Variants in CASZ1 observed in about 807,000 individuals in gnomAD.
The protein encoded by CASZ1 is zinc finger protein castor homolog 1.
CASZ1 carries 28 observed loss-of-function variants against 135.2 expected under a neutral mutation model. The ratio of observed to expected loss-of-function variants is 0.21; its 90% CI spans 0.15 to 0.28. The LOEUF (loss-of-function observed/expected upper bound fraction) is 0.28. CASZ1 is among the 10% of genes least tolerant of loss of function. CASZ1 has a pLI of 1.00. For synonymous variants in CASZ1, 1,068 were observed against 1,073.4 expected, an observed-to-expected ratio of 0.99 and a Z score of 0.10; for missense variants, 2,161 against 2,453.3, an observed-to-expected ratio of 0.88 and a Z score of 2.52.
chr1:10,773,942 GT>G (rs1311047934), intron 1 of CASZ1, among the ~76,000 whole-genome samples: 4 of 152,230 alleles, frequency 2.6e-5, no homozygotes, highest in African/African-American at 9.6e-5. Context: ...GTTGGGGAGA[GT>G]TCAGAGCAGA....
intron 1 of CASZ1, among the ~76,000 whole-genome samples, chr1:10,787,126 C>T (rs556436989): frequency 1.3e-5 from 2 of 152,320 alleles, no homozygotes; most frequent in African/African-American, 4.8e-5. Flanking sequence ...GACACCCTTC[C>T]GAGGGTGGTA....
intron 2 of CASZ1, among the ~76,000 whole-genome samples, chr1:10,753,538 T>C (rs568120233): frequency 1.3e-5 from 2 of 152,272 alleles, no homozygotes; most frequent in African/African-American, 4.8e-5. Context: ...TGTCAGATTA[T>C]TAATTAGCTA....
At chr1:10,778,190 CAG>C (rs764897437) in intron 1 of CASZ1, among the ~76,000 whole-genome samples, 7 of 151,954 alleles carry the variant, frequency 4.6e-5, no homozygotes, top group Non-Finnish European at 1.0e-4. Flanking sequence ...CGCACACAAT[CAG>C]ACACACTCTC....
intron 7 of CASZ1, 34 bp downstream of exon 7, chr1:10,658,471 CCTT>C (rs761996065): frequency 1.3e-6 from 2 of 1,576,420 alleles, no homozygotes; most frequent in Admixed American, 3.3e-5. Context: ...TGGCCCCCCA[CCTT>C]CTCTCCACGG....
chr1:10,791,125 A>C (rs989114487), intron 1 of CASZ1, among the ~76,000 whole-genome samples: 1 of 151,852 alleles, frequency 6.6e-6, no homozygotes, highest in South Asian at 2.1e-4. Flanking sequence ...TTAGTCAATC[A>C]TCAGAGCTGT....
At chr1:10,716,386 C>T (rs1047842995) in intron 2 of CASZ1, among the ~76,000 whole-genome samples, 8 of 152,350 alleles carry the variant, frequency 5.3e-5, no homozygotes, top group South Asian at 2.1e-4. Flanking sequence ...ATGCACAAGC[C>T]GGCTAGAAGA....
chr1:10,677,153 AG>A (rs1183099639), intron 4 of CASZ1, among the ~76,000 whole-genome samples: 1 of 152,144 alleles, frequency 6.6e-6, no homozygotes, highest in Non-Finnish European at 1.5e-5. Flanking sequence ...AGAGCTCAGG[AG>A]GGGGCAGGTG....
At chr1:10,791,801 G>A (rs1054445679) in intron 1 of CASZ1, among the ~76,000 whole-genome samples, 2 of 151,924 alleles carry the variant, frequency 1.3e-5, no homozygotes, top group African/African-American at 4.8e-5. Context: ...TTTAACCTAA[G>A]CCAGAGGAAA....
chr1:10,684,599 T>C (rs904932527), intron 4 of CASZ1, among the ~76,000 whole-genome samples: 1 of 152,074 alleles, frequency 6.6e-6, no homozygotes. Context: ...GCCTCCCAGT[T>C]TGCCCAGGAC....
At chr1:10,738,123 G>T (rs1189672741) in intron 2 of CASZ1, among the ~76,000 whole-genome samples, 2 of 152,174 alleles carry the variant, frequency 1.3e-5, no homozygotes, top group East Asian at 3.9e-4. Flanking sequence ...ACTAATAAAT[G>T]ACAACTAATG....
At position 10,701,128 on chromosome 1, in the gene CASZ1, G is replaced by A. The variant is rs1380600434; in HGVS notation, c.-24+4364C>T. Among the ~76,000 whole-genome samples the A allele has an allele frequency of 6.6e-6, 1 of 152,166 alleles. No individual in the cohort carries two copies. The highest frequency in any genetic ancestry group is 1.5e-5 in the Non-Finnish European group (1 of 68,028). On this transcript the variant is annotated intron_variant, in intron 3 of 20. Coordinates refer to ENST00000377022, the MANE Select transcript of CASZ1 (RefSeq NM_001079843.3). This position sits in a 1 kb window ranked among gnomAD's most constrained non-coding sequence, Gnocchi z 6.3. ...ATCTACTTGGGCCCCTGATGCCAGG[G>A]CCAGCAGGTTGTCAAGGAGCTGAGC...
chr1:10,724,742 A>C lies in CASZ1; in HGVS notation c.-76-19198T>G, dbSNP rs1010377627. On this transcript the variant is annotated intron_variant, in intron 2 of 20. Transcript: ENST00000377022. This position sits in a 1 kb window ranked among gnomAD's most constrained non-coding sequence, Gnocchi z 4.1. ...CACTGCCCAGCCAGAGGCAGGGGCA[A>C]GGGCCCTGGGAGGGAGAGGCAAGGC... is the stretch of plus-strand genomic sequence containing the variant. 1.3e-5 allele frequency among the ~76,000 whole-genome samples: 2 copies of C among 152,170 alleles called. No individual in the cohort carries two copies. Among genetic ancestry groups the C allele is most frequent in the African/African-American group, 4.8e-5 (2 of 41,456 alleles).
In CASZ1 at chr1:10,691,190, C is replaced by G. The variant is rs995315136; in HGVS notation, c.16+2684G>C. On this transcript the variant is annotated intron_variant, in intron 4 of 20. Coordinates refer to ENST00000377022, the MANE Select transcript of CASZ1 (RefSeq NM_001079843.3). ...CAACCATTTGATTTGCATAACCCAA[C>G]CCCCTCTCATAAAAACTGGCTGCTA... Among the ~76,000 whole-genome samples, 3 of 151,696 alleles carry G rather than the reference C, an allele frequency of 2.0e-5. No homozygotes were observed. The South Asian group carries it at 6.3e-4, about 32-fold the overall frequency.
At position 10,694,618 on chromosome 1, in the gene CASZ1, C is replaced by T; in HGVS notation, c.-23-706G>A. 1 of 141,926 alleles carries T rather than the reference C, an allele frequency of 7.0e-6. No homozygotes were observed. The highest frequency in any genetic ancestry group is 1.5e-5 in the Non-Finnish European group (1 of 65,860). 8.8% of individuals were successfully genotyped at this position (141,926 alleles called of 1,614,324 possible). ...GCCGCCGCCGCCGCCGCCGCCGCCG[C>T]CGCCCGGTGCGCCCGCCCGCCGCCC... On this transcript the variant is annotated intron_variant, in intron 3 of 20. Transcript: ENST00000377022. This position sits in a 1 kb window ranked among gnomAD's most constrained non-coding sequence, Gnocchi z 6.6.
intron 3 of CASZ1, among the ~76,000 whole-genome samples, chr1:10,695,265 C>T (rs2100416958): frequency 6.6e-6 from 1 of 152,118 alleles, no homozygotes; most frequent in African/African-American, 2.4e-5. Flanking sequence ...GCCTGGGACA[C>T]GCAGTGGGGT....
chr1:10,674,278 G>A (rs4845945), intron 4 of CASZ1, among the ~76,000 whole-genome samples: 9,503 of 152,342 alleles, frequency 0.062, 401 homozygotes, highest in East Asian at 0.14. Flanking sequence ...AGTGCCTCCA[G>A]GTCTCAGGGT....
chr1:10,749,414 A>C (rs944474121), intron 2 of CASZ1, among the ~76,000 whole-genome samples: 5 of 151,956 alleles, frequency 3.3e-5, no homozygotes, highest in African/African-American at 1.2e-4. Context: ...TGCACAGCTA[A>C]TTTTTTGTGT....
chr1:10,671,200 G>T (rs1367227894), intron 4 of CASZ1, among the ~76,000 whole-genome samples: 1 of 152,326 alleles, frequency 6.6e-6, no homozygotes, highest in South Asian at 2.1e-4. Context: ...CACCGCACAG[G>T]CTGGCTATCA....
At chr1:10,733,978 G>A (rs1639748195) in intron 2 of CASZ1, among the ~76,000 whole-genome samples, 2 of 152,336 alleles carry the variant, frequency 1.3e-5, no homozygotes, top group African/African-American at 4.8e-5. Context: ...TTAATAACTA[G>A]CGAAAGTGCT....
Sources: allele counts gnomAD v4.1 joint callset (sites outside exome capture counted in the v4.1 genomes callset), GRCh38; gene constraint gnomAD v4.1.1; non-coding constraint Gnocchi (gnomAD v3.1); transcripts MANE v1.5; gene names NCBI Gene and HGNC (gene_info 2026-07-23, HGNC 2026-07-21).